SGTA: variants seen among roughly 807,000 people sequenced by gnomAD.
SGTA encodes small glutamine rich tetratricopeptide repeat co-chaperone alpha.
In SGTA, 22 loss-of-function variants were observed where a neutral mutation model predicts 44.3. The ratio of observed to expected loss-of-function variants is 0.50; its 90% CI spans 0.36 to 0.71. SGTA has a LOEUF of 0.71. Among genes scored for constraint, SGTA ranks in the 30% least tolerant of loss-of-function variants. The probability of loss-of-function intolerance (pLI) is 0.00; values close to 1 mark genes in which losing one functional copy is unlikely to be tolerated. For missense variants in SGTA, 341 were observed against 435.9 expected, an observed-to-expected ratio of 0.78 and a Z score of 1.94; for synonymous variants, 174 against 177.6, an observed-to-expected ratio of 0.98 and a Z score of 0.16.
Position 2,763,609 on chromosome 19 carries a change from G to C in SGTA, c.497+44C>G. 7.4e-7 allele frequency: 1 copy of C among 1,345,668 alleles called. No homozygotes were observed. The highest frequency in any genetic ancestry group is 1.1e-6 in the Non-Finnish European group (1 of 951,668). 83.4% of individuals were successfully genotyped at this position (1,345,668 alleles called of 1,614,324 possible). On this transcript the variant is annotated intron_variant, in intron 6 of 11. Coordinates refer to ENST00000221566, the MANE Select transcript of SGTA (RefSeq NM_003021.4). This position sits in a 1 kb window ranked among gnomAD's most constrained non-coding sequence, Gnocchi z 5.8. ...GAGGAAGCAGGAGCAGGAGAGGAGG[G>C]GTCCCGAGAGACTGGAAAGGCGCGG...
In SGTA at chr19:2,769,024, C is replaced by A. The variant is rs756281599; in HGVS notation, c.45G>T (p.Leu15=). ...GGCCCCCGTGCCGGAGCTGGTCATG[C>A]AGGAACTGGATGATGGCGTAGGCCA... The part of the protein sequence containing the change: ...KRLAYAIIQF[L]HDQLRHGGLS... The change falls in exon 2 of 12, where the codon CTG becomes CTT. Residue 15 remains leucine, a synonymous_variant. Coordinates refer to ENST00000221566, the MANE Select transcript of SGTA (RefSeq NM_003021.4). 3 of 1,614,060 alleles carry A rather than the reference C, an allele frequency of 1.9e-6. No homozygotes were observed. The highest frequency in any genetic ancestry group is 2.2e-5 in the South Asian group (2 of 91,092).
chr19:2,762,917 G>A (rs1402299867), intron 6 of SGTA, among the ~76,000 whole-genome samples: 1 of 152,232 alleles, frequency 6.6e-6, no homozygotes, highest in Non-Finnish European at 1.5e-5. Context: ...GGGCTGAGAG[G>A]AGGGAGCGGG....
chr19:2,755,029 G>A lies in SGTA; in HGVS notation c.*911C>T, dbSNP rs1914781125. Reference sequence around the variant, plus strand: ...TCCTGGTGGCTGTTTTAGGGCCAAGGTGGGTGGCACCTGAGGTGTCCCGTG... The same window carrying A: ...TCCTGGTGGCTGTTTTAGGGCCAAGATGGGTGGCACCTGAGGTGTCCCGTG... On this transcript the variant is annotated 3_prime_UTR_variant, in exon 12 of 12. Transcript: ENST00000221566. This position sits in a 1 kb window ranked among gnomAD's most constrained non-coding sequence, Gnocchi z 5.2. 1 of 152,276 alleles carries A rather than the reference G, an allele frequency of 6.6e-6. No homozygotes were observed. Among genetic ancestry groups the A allele is most frequent in the African/African-American group, 2.4e-5 (1 of 41,466 alleles). 9.4% of individuals were successfully genotyped at this position (152,276 alleles called of 1,614,324 possible). A position where few individuals can be genotyped will look rare whatever the true frequency, so the allele number is the denominator to read the frequency against.
At chr19:2,771,714 C>T (rs1282188755) in intron 1 of SGTA, among the ~76,000 whole-genome samples, 2 of 152,230 alleles carry the variant, frequency 1.3e-5, no homozygotes, top group Non-Finnish European at 2.9e-5. Flanking sequence ...GAAACGCTGC[C>T]CGGCTGTGCA....
At chr19:2,758,880 A>G (rs1413081601) in intron 9 of SGTA, among the ~76,000 whole-genome samples, 28 of 152,166 alleles carry the variant, frequency 1.8e-4, no homozygotes, top group Admixed American at 1.8e-3. Flanking sequence ...GACGCCAGAC[A>G]CCAAAGTTCA....
rs1915067841 is a variant in SGTA at position 2,763,767 on chromosome 19, A to T, written c.393-10T>A. On this transcript the variant is annotated splice_polypyrimidine_tract_variant and intron_variant, in intron 5 of 11. Coordinates refer to ENST00000221566, the MANE Select transcript of SGTA (RefSeq NM_003021.4). This position sits in a 1 kb window ranked among gnomAD's most constrained non-coding sequence, Gnocchi z 5.8. ...GCTGTAGGCTGCGGCTCTGGGGAAG[A>T]AAAGGCAGGGCAGGTCCCTCACTGG... is the stretch of plus-strand genomic sequence containing the variant. The T allele has an allele frequency of 6.2e-7, 1 of 1,610,852 alleles. No homozygotes were observed.
intron 1 of SGTA, 61 bp from the exon 2 acceptor site, chr19:2,769,152 G>C (rs1915231487): frequency 2.0e-6 from 2 of 1,000,274 alleles, no homozygotes; most frequent in Admixed American, 1.9e-5. Flanking sequence ...AGGCACCCCA[G>C]GCCTGCCCCT....
At chr19:2,783,190 A>C (rs1915610527) in intron 1 of SGTA, 43 bp downstream of exon 1, 1 of 152,174 alleles carries the variant, frequency 6.6e-6, no homozygotes, top group South Asian at 2.1e-4. Context: ...CCCGAGCCGC[A>C]GACCCCAGAC....
intron 9 of SGTA, among the ~76,000 whole-genome samples, chr19:2,758,689 C>G (rs1272483774): frequency 6.6e-6 from 1 of 152,196 alleles, no homozygotes; most frequent in East Asian, 1.9e-4. Context: ...CACACCCGTG[C>G]TCAAGCAGCA....
Position 2,769,025 on chromosome 19 carries a change from A to G in SGTA, c.44T>C (p.Leu15Pro). ...KRLAYAIIQF[L>P]HDQLRHGGLS... ...GCCCCCGTGCCGGAGCTGGTCATGC[A>G]GGAACTGGATGATGGCGTAGGCCAG... The change falls in exon 2 of 12, where the codon CTG becomes CCG. Residue 15 changes from leucine (L) to proline (P), a missense_variant. By Grantham distance (98) the Leu-to-Pro change is moderately conservative. Transcript: ENST00000221566. The G allele has an allele frequency of 6.2e-7, 1 of 1,614,014 alleles. No homozygotes were observed. Among genetic ancestry groups the G allele is most frequent in the Non-Finnish European group, 8.5e-7 (1 of 1,179,956 alleles).
At position 2,755,914 on chromosome 19, in the gene SGTA, C is replaced by CG. The variant is rs1254541249; in HGVS notation, c.*25dup. 1.0e-6 allele frequency: 1 copy of CG among 985,790 alleles called. No individual in the cohort carries two copies. Among genetic ancestry groups the CG allele is most frequent in the Non-Finnish European group, 1.2e-6 (1 of 830,182 alleles). The allele number at this position is 985,790 out of a possible 1,614,324, so 61.1% of individuals were successfully genotyped here. ...TTCCTTCGGGTCGGCCAGGGAAGGA[C>CG]GCGGTCACACCGGGAGCAGCTGGAA... On this transcript the variant is annotated 3_prime_UTR_variant, in exon 12 of 12. Transcript: ENST00000221566. This position sits in a 1 kb window ranked among gnomAD's most constrained non-coding sequence, Gnocchi z 5.2.
intron 9 of SGTA, among the ~76,000 whole-genome samples, chr19:2,758,562 A>G (rs1196892178): frequency 5.9e-5 from 9 of 152,190 alleles, no homozygotes; most frequent in Non-Finnish European, 2.9e-5. Context: ...CCATGAAAAC[A>G]GGTGAGCAGC....
chr19:2,761,361 T>C lies in SGTA; in HGVS notation c.699+99A>G. 3 of 1,142,720 alleles carry C rather than the reference T, an allele frequency of 2.6e-6. No individual in the cohort carries two copies. The highest frequency in any genetic ancestry group is 3.8e-6 in the Non-Finnish European group (3 of 784,090). The allele number at this position is 1,142,720 out of a possible 1,614,324, so 70.8% of individuals were successfully genotyped here. ...CCCATCTGGTTCCAGAAGCCAGCAGTGCCAAGGCAAGGAAGCCCTGGCCAG... is the reference window on the plus strand; with the variant it reads ...CCCATCTGGTTCCAGAAGCCAGCAGCGCCAAGGCAAGGAAGCCCTGGCCAG... On this transcript the variant is annotated intron_variant, in intron 8 of 11. Coordinates refer to ENST00000221566, the MANE Select transcript of SGTA (RefSeq NM_003021.4). The surrounding 1 kb of genome is among the most constrained non-coding windows in gnomAD (Gnocchi z 5.7).
chr19:2,756,997 T>C (rs1914837137), intron 11 of SGTA, among the ~76,000 whole-genome samples: 1 of 152,196 alleles, frequency 6.6e-6, no homozygotes, highest in African/African-American at 2.4e-5. Flanking sequence ...AAAGAGCTTC[T>C]GCAGGCGGCC....
intron 9 of SGTA, among the ~76,000 whole-genome samples, chr19:2,758,872 C>T (rs541518900): frequency 3.9e-5 from 6 of 152,312 alleles, no homozygotes; most frequent in East Asian, 1.9e-4. Flanking sequence ...CAGTGAGAGA[C>T]GCCAGACACC....
At chr19:2,770,699 T>C (rs1238812055) in intron 1 of SGTA, 7 of 152,700 alleles carry the variant, frequency 4.6e-5, no homozygotes, top group Non-Finnish European at 1.0e-4. Context: ...GTGGCCCTAA[T>C]GCAGGGATTG....
At chr19:2,775,741 A>C (rs890683780) in intron 1 of SGTA, among the ~76,000 whole-genome samples, 7 of 152,126 alleles carry the variant, frequency 4.6e-5, no homozygotes, top group African/African-American at 1.7e-4. Flanking sequence ...TGGGGCGATG[A>C]GACAGCTCTG....
At chr19:2,771,281 T>TG (rs1413477762) in intron 1 of SGTA, among the ~76,000 whole-genome samples, 1 of 151,952 alleles carries the variant, frequency 6.6e-6, no homozygotes, top group Non-Finnish European at 1.5e-5. Flanking sequence ...AAAAATTAGC[T>TG]GGCATGGTGG....
In SGTA at chr19:2,761,541, C is replaced by G. The variant is rs1568307974; in HGVS notation, c.637-19G>C. On this transcript the variant is annotated intron_variant, in intron 7 of 11. Coordinates refer to ENST00000221566, the MANE Select transcript of SGTA (RefSeq NM_003021.4). The surrounding 1 kb of genome is among the most constrained non-coding windows in gnomAD (Gnocchi z 5.7). ...CTCCCGTCTGAGGATGAGAACAGCC[C>G]TGGTTAGTGGGGCCTGGACCAGAGG... The G allele has an allele frequency of 6.5e-7, 1 of 1,550,050 alleles. No individual in the cohort carries two copies. The highest frequency in any genetic ancestry group is 8.7e-7 in the Non-Finnish European group (1 of 1,145,696).
Sources: gnomAD v4.1 joint callset for allele counts (sites outside exome capture counted in the v4.1 genomes callset) on GRCh38, gnomAD v4.1.1 for gene constraint, Gnocchi (gnomAD v3.1) non-coding constraint, MANE v1.5 for transcripts, NCBI Gene and HGNC (gene_info 2026-07-23, HGNC 2026-07-21) for gene names.